The following SYNE2 variants were observed in gnomAD, a reference collection of about 807,000 sequenced individuals.
SYNE2 encodes spectrin repeat containing nuclear envelope protein 2.
A neutral mutation model predicts 856.3 loss-of-function variants in SYNE2; 431 were observed. The ratio of observed to expected loss-of-function variants is 0.50; its 90% CI spans 0.47 to 0.55. SYNE2 has a LOEUF of 0.55. SYNE2 is among the 20% of genes least tolerant of loss of function. SYNE2 has a pLI of 0.00. For synonymous variants in SYNE2, 2,923 were observed against 2,872.3 expected (o/e 1.02, Z -0.56); for missense variants, 8,129 against 8,023.2 (o/e 1.01, Z -0.50).
intron 45 of SYNE2, chr14:64,034,358 T>G (rs2097068204): frequency 2.5e-6 from 1 of 393,252 alleles, no homozygotes; most frequent in Non-Finnish European, 4.5e-6. Flanking sequence ...ATTAAATTGC[T>G]AATTAATACT....
chr14:64,130,883 C>CAAAAAAAAAAAAAA (rs34083068), intron 76 of SYNE2, among the ~76,000 whole-genome samples: 1 of 99,562 alleles, frequency 1.0e-5, no homozygotes, highest in Non-Finnish European at 2.2e-5. Flanking sequence ...GACTCTATCT[C>CAAAAAAAAAAAAAA]AAAAAAAAAA....
intron 49 of SYNE2, 22 bp downstream of exon 49, chr14:64,056,288 A>G (rs755963396): frequency 6.3e-7 from 1 of 1,586,164 alleles, no homozygotes; most frequent in Non-Finnish European, 8.6e-7. Flanking sequence ...TCCAAAGGTA[A>G]TCTTTAAGAA....
intron 1 of SYNE2, among the ~76,000 whole-genome samples, chr14:63,793,961 A>G (rs1204735783): frequency 6.6e-6 from 1 of 152,002 alleles, no homozygotes; most frequent in Non-Finnish European, 1.5e-5. Flanking sequence ...GAAAAAAGAA[A>G]GTTGTTGTAA....
In SYNE2 at chr14:64,052,725, G is replaced by A. The variant is rs1423912436; in HGVS notation, c.8812G>A (p.Val2938Met). 1.2e-6 allele frequency: 2 copies of A among 1,613,678 alleles called. No homozygotes were observed. The highest frequency in any genetic ancestry group is 1.1e-5 in the South Asian group (1 of 90,980). ...ATTCATTCAGAATACATGTAATGAA[G>A]TGGAACACAAGATAAAGTTTTGCAG... is the stretch of plus-strand genomic sequence containing the variant. Reference protein sequence around the residue: ...QRFIQNTCNEVEHKIKFCRQF... With the variant: ...QRFIQNTCNEMEHKIKFCRQF... The change falls in exon 48 of 116, where the codon GTG (valine) becomes ATG (methionine). Residue 2938 changes from valine to methionine, a missense_variant. Val to Met is a conservative substitution (Grantham distance 21, BLOSUM62 1). This residue lies in a region of SYNE2 where 5,410 missense variants were observed against 5,284.8 expected (regional missense o/e 1.02). Coordinates refer to ENST00000555002, the MANE Select transcript of SYNE2 (RefSeq NM_182914.3).
Position 64,113,343 on chromosome 14 carries a change from C to T in SYNE2, c.12612C>T (p.Gly4204=), listed in dbSNP as rs114604397. 9.9e-4 allele frequency: 1,594 copies of T among 1,613,674 alleles called. 8 individuals are homozygous for T. In the African/African-American group the frequency reaches 0.016, roughly 16 times the overall value. Residue 4204 remains glycine, a splice_region_variant and synonymous_variant, in exon 66 of 116, where the codon GGC becomes GGT. Coordinates refer to ENST00000555002, the MANE Select transcript of SYNE2 (RefSeq NM_182914.3). ...GCTTATCTTTGGATTTCTCTTAGGG[C>T]ACCACACCTCCTATTGAGGCTGACA... The part of the protein sequence containing the change: ...CSLRPNQTEE[G]TTPPIEADTL...
intron 1 of SYNE2, among the ~76,000 whole-genome samples, chr14:63,881,278 C>T (rs1366211349): frequency 6.6e-6 from 1 of 151,972 alleles, no homozygotes; most frequent in East Asian, 1.9e-4. Flanking sequence ...CATACCCAGC[C>T]AAAGGAAACT....
upstream of SYNE2, among the ~76,000 whole-genome samples, chr14:63,849,265 CTT>C (rs35001530): frequency 0.024 from 3,005 of 127,036 alleles, 44 homozygotes; most frequent in African/African-American, 0.042. Context: ...AGTTAATCTC[CTT>C]TTTTTTTTTT....
intron 1 of SYNE2, among the ~76,000 whole-genome samples, chr14:63,903,610 T>C (rs1482208676): frequency 6.6e-6 from 1 of 152,222 alleles, no homozygotes. Context: ...ACTATAGGCA[T>C]GTGCCTGGTC....
intron 1 of SYNE2, among the ~76,000 whole-genome samples, chr14:63,885,500 TC>T (rs1276352379): frequency 6.6e-6 from 1 of 152,202 alleles, no homozygotes; most frequent in East Asian, 1.9e-4. Context: ...CATAATTGTT[TC>T]CTATGTTTTT....
In SYNE2 at chr14:64,053,071, G is replaced by C. The variant is rs1335897915; in HGVS notation, c.9158G>C (p.Ser3053Thr). 6.2e-7 allele frequency: 1 copy of C among 1,614,102 alleles called. No homozygotes were observed. The highest frequency in any genetic ancestry group is 2.2e-5 in the East Asian group (1 of 44,874). Reference sequence around the variant, plus strand: ...CATGGCAAATATCAGGCATTATTAAGTAAAATGAGAGCTATTGATTTGCAA... The same window carrying C: ...CATGGCAAATATCAGGCATTATTAACTAAAATGAGAGCTATTGATTTGCAA... The part of the protein sequence containing the change: ...EEHGKYQALL[S>T]KMRAIDLQIK... Residue 3053 changes from serine (S) to threonine (T), a missense_variant, in exon 48 of 116, where the codon AGT (serine) becomes ACT (threonine). By Grantham distance (58) the Ser-to-Thr change is moderately conservative. Around this residue, in one of 3 missense-constraint regions of SYNE2, gnomAD observed 5,410 missense variants for 5,284.8 expected, o/e 1.02. Coordinates refer to ENST00000555002, the MANE Select transcript of SYNE2 (RefSeq NM_182914.3).
intron 1 of SYNE2, among the ~76,000 whole-genome samples, chr14:63,899,846 A>G (rs1274260478): frequency 6.6e-6 from 1 of 152,078 alleles, no homozygotes. Context: ...TTTAATTTTT[A>G]CTGCTGATTA....
intron 113 of SYNE2, 93 bp from the exon 114 acceptor site, chr14:64,224,368 A>T (rs1310986624): frequency 8.7e-7 from 1 of 1,152,668 alleles, no homozygotes; most frequent in Non-Finnish European, 1.3e-6. Flanking sequence ...AAAACAAAAA[A>T]AGATTGATTT....
At position 64,223,254 on chromosome 14, in the gene SYNE2, C is replaced by T; in HGVS notation, c.20256C>T (p.Ser6752=). The T allele has an allele frequency of 6.2e-7, 1 of 1,614,122 alleles. No individual in the cohort carries two copies. Residue 6752 remains serine (S), a synonymous_variant, in exon 113 of 116, where the codon AGC becomes AGT. Coordinates refer to ENST00000555002, the MANE Select transcript of SYNE2 (RefSeq NM_182914.3). ...ACATGTTACAGGAGATTTCAAACAG[C>T]CTTCTCATTAAGGGACATGGAGAAG... ...QVDMLQEISN[S]LLIKGHGEDC... is the part of the protein sequence containing the mutation.
chr14:64,132,399 G>A lies in SYNE2; in HGVS notation c.14475G>A (p.Lys4825=), dbSNP rs537172705. The change falls in exon 77 of 116, where the codon AAG becomes AAA. Residue 4825 remains lysine (K), a synonymous_variant. Transcript: ENST00000555002. The part of the protein sequence containing the change: ...QVTEVKILEE[K]SRQCGMKLQS... Reference sequence around the variant, plus strand: ...CAGAAGTTAAAATACTAGAAGAAAAGTCACGCCAATGTGGTATGAAGCTGC... The same window carrying A: ...CAGAAGTTAAAATACTAGAAGAAAAATCACGCCAATGTGGTATGAAGCTGC... 1.5e-5 allele frequency: 25 copies of A among 1,614,160 alleles called. No homozygotes were observed. The South Asian group carries it at 2.4e-4, about 16-fold the overall frequency.
chr14:64,149,324 A>G (rs76127330), intron 84 of SYNE2, among the ~76,000 whole-genome samples: 2,012 of 152,264 alleles, frequency 0.013, 19 homozygotes, highest in South Asian at 0.022. Flanking sequence ...AAAGAAAAAA[A>G]GAAAAGAAAA....
rs781690913 is a variant in SYNE2, at chr14:63,993,902, A to G, written c.2714A>G (p.Asn905Ser). The G allele has an allele frequency of 1.9e-6, 3 of 1,613,356 alleles. No individual in the cohort carries two copies. The highest frequency in any genetic ancestry group is 2.7e-5 in the African/African-American group (2 of 74,908). Residue 905 changes from asparagine (N) to serine (S), a missense_variant, in exon 22 of 116, where the codon AAT (asparagine) becomes AGT (serine). Physicochemically the swap from Asn to Ser is conservative, Grantham distance 46. Transcript: ENST00000555002. ...KYLKAVEELK[N>S]NVTEDIKMSL... ...TTGAAAGCTGTTGAAGAACTAAAAA[A>G]TAATGTAACTGAGGACATAAAGATG...
At chr14:63,819,274 C>T (rs114422303) in intron 1 of SYNE2, among the ~76,000 whole-genome samples, 1,599 of 151,894 alleles carry the variant, frequency 0.011, 31 homozygotes, top group African/African-American at 0.036. Context: ...TCTTGTTGGC[C>T]AGGCCACAGT....
intron 32 of SYNE2, among the ~76,000 whole-genome samples, chr14:64,015,716 C>T (rs552160482): frequency 4.0e-5 from 6 of 151,240 alleles, no homozygotes; most frequent in South Asian, 4.2e-4. Context: ...TTATTATTTC[C>T]TTCCTTTTGC....
At chr14:63,794,660 A>G (rs1462021422) in intron 1 of SYNE2, among the ~76,000 whole-genome samples, 1 of 152,240 alleles carries the variant, frequency 6.6e-6, no homozygotes, top group African/African-American at 2.4e-5. Context: ...AATGTGCTCA[A>G]TTAATATCAT....
Sources: allele counts gnomAD v4.1 joint callset (sites outside exome capture counted in the v4.1 genomes callset), GRCh38; gene constraint gnomAD v4.1.1; regional missense constraint gnomAD v4.1.1; transcripts MANE v1.5; gene names NCBI Gene and HGNC (gene_info 2026-07-23, HGNC 2026-07-21).